Variants in RBM5 observed in about 807,000 individuals in gnomAD.
RBM5 encodes RNA-binding protein 5.
A neutral mutation model predicts 124.6 loss-of-function variants in RBM5; 15 were observed. The ratio of observed to expected loss-of-function variants is 0.12; its 90% CI spans 0.08 to 0.19. The LOEUF (loss-of-function observed/expected upper bound fraction) is 0.19. Ranked by LOEUF, RBM5 falls within the 10% of genes least tolerant of loss-of-function variation. The probability of loss-of-function intolerance (pLI) is 1.00; values close to 1 mark genes in which losing one functional copy is unlikely to be tolerated. For synonymous variants in RBM5, 337 were observed against 361.2 expected (o/e 0.93, Z 0.76); for missense variants, 580 against 1,026.5 (o/e 0.57, Z 5.94).
chr3:50,094,923 G>A (rs773335025), intron 4 of RBM5, among the ~76,000 whole-genome samples: 3 of 152,106 alleles, frequency 2.0e-5, no homozygotes, highest in Non-Finnish European at 2.9e-5. Flanking sequence ...TTGGCCAGGC[G>A]CGGTGGCTCA....
chr3:50,108,358 AAT>A (rs1220864585), intron 14 of RBM5, 54 bp downstream of exon 14: 2 of 1,447,364 alleles, frequency 1.4e-6, no homozygotes, highest in African/African-American at 1.4e-5. Context: ...CAGTTGAAGA[AAT>A]ATGATTAAAT....
rs547966516 is a variant in RBM5, at chr3:50,113,403, C to G, written c.1476C>G (p.Thr492=). The change falls in exon 18 of 25, where the codon ACC becomes ACG. Residue 492 remains threonine (T), a synonymous_variant. Coordinates refer to ENST00000347869, the MANE Select transcript of RBM5 (RefSeq NM_005778.4). ...PNSQYYYNSL[T]QQYLYWDGEK... ...TCTAGTACTACTATAATTCCTTGAC[C>G]CAGCAGTACCTTTACTGGGATGGGG... The G allele has an allele frequency of 2.7e-5, 44 of 1,612,724 alleles. No individual in the cohort carries two copies. In the African/African-American group the frequency reaches 5.5e-4, roughly 20 times the overall value.
At chr3:50,106,628 A>AG (rs1167684734) in intron 10 of RBM5, 139 bp from the exon 11 acceptor site, 1 of 629,532 alleles carries the variant, frequency 1.6e-6, no homozygotes, top group South Asian at 2.0e-5. Flanking sequence ...TCCTTTCTTG[A>AG]GGTTTCATAT....
intron 2 of RBM5, 128 bp from the exon 3 acceptor site, chr3:50,091,915 C>A: frequency 1.0e-6 from 1 of 973,560 alleles, no homozygotes; most frequent in Non-Finnish European, 1.5e-6. Flanking sequence ...TTTGGTAATA[C>A]TTTTTAACAC....
At chr3:50,114,593 G>A (rs2091208292) in intron 20 of RBM5, 1 of 236,340 alleles carries the variant, frequency 4.2e-6, no homozygotes, top group Non-Finnish European at 8.0e-6. Flanking sequence ...CCATTATTCT[G>A]ATATGTTGTA....
At chr3:50,103,298 C>A in intron 7 of RBM5, 132 bp downstream of exon 7, 1 of 743,612 alleles carries the variant, frequency 1.3e-6, no homozygotes, top group Non-Finnish European at 2.3e-6. Context: ...TTGTTACTTT[C>A]CTTGGGTCCT....
rs547039759 is a variant in RBM5 at position 50,117,154 on chromosome 3, G to A, written c.2175G>A (p.Gln725=). 7 of 1,614,246 alleles carry A rather than the reference G, an allele frequency of 4.3e-6. No individual in the cohort carries two copies. Among genetic ancestry groups the A allele is most frequent in the Non-Finnish European group, 5.9e-6 (7 of 1,180,046 alleles). Residue 725 remains glutamine (Q), a synonymous_variant, in exon 23 of 25, where the codon CAG becomes CAA. Transcript: ENST00000347869. This position sits in a 1 kb window ranked among gnomAD's most constrained non-coding sequence, Gnocchi z 4.2. ...CTCCAGAGCCCAAGCGCAAGAAGCA[G>A]TTTGATGCCGGCACTGTGTATGTGA... ...PEPPEPKRKK[Q]FDAGTVNYEQ...
chr3:50,110,434 C>T lies in RBM5; in HGVS notation c.1334C>T (p.Pro445Leu). The change falls in exon 16 of 25, where the codon CCT (proline) becomes CTT (leucine). Residue 445 changes from proline to leucine, a missense_variant. Physicochemically the swap from Pro to Leu is moderately conservative, Grantham distance 98 (BLOSUM62 -3). Around this residue, in one of 6 missense-constraint regions of RBM5, gnomAD observed 104 missense variants for 128.7 expected, o/e 0.81. Transcript: ENST00000347869. ...STSTQAPAAS[P>L]TGVVPGTKYA... Reference sequence around the variant, plus strand: ...AGTACACAGGCCCCAGCCGCTTCCCCTACTGGTGTAGTTCCTGGTACCAAA... The same window carrying T: ...AGTACACAGGCCCCAGCCGCTTCCCTTACTGGTGTAGTTCCTGGTACCAAA... 1 of 1,614,164 alleles carries T rather than the reference C, an allele frequency of 6.2e-7. No individual in the cohort carries two copies. The highest frequency in any genetic ancestry group is 8.5e-7 in the Non-Finnish European group (1 of 1,180,014).
chr3:50,116,118 A>G, intron 22 of RBM5, 138 bp downstream of exon 22: 1 of 802,038 alleles, frequency 1.2e-6, no homozygotes, highest in Non-Finnish European at 2.1e-6. Context: ...ATTGTAGTTC[A>G]TGTAGCCTAG....
chr3:50,108,614 G>C (rs2091083272), intron 14 of RBM5, among the ~76,000 whole-genome samples: 1 of 152,150 alleles, frequency 6.6e-6, no homozygotes, highest in Non-Finnish European at 1.5e-5. Context: ...GGCTGAGGCA[G>C]GAGAATTGCT....
In RBM5 at chr3:50,114,960, A is replaced by G. The variant is rs181637771; in HGVS notation, c.1840-468A>G. On this transcript the variant is annotated intron_variant, in intron 20 of 24. Coordinates refer to ENST00000347869, the MANE Select transcript of RBM5 (RefSeq NM_005778.4). ...GGCAGGCGGATCATTTGAGGTCAGGAGTTCGAGATCAGCCTGACCAATGTG... is the reference window on the plus strand; with the variant it reads ...GGCAGGCGGATCATTTGAGGTCAGGGGTTCGAGATCAGCCTGACCAATGTG... The G allele has an allele frequency of 1.2e-4, 19 of 158,264 alleles. No homozygotes were observed. In the East Asian group the frequency reaches 2.3e-3, roughly 19 times the overall value. The allele number at this position is 158,264 out of a possible 1,614,324, so 9.8% of individuals were successfully genotyped here. A position where few individuals can be genotyped will look rare whatever the true frequency, so the allele number is the denominator to read the frequency against.
chr3:50,114,224 A>C lies in RBM5; in HGVS notation c.1812A>C (p.Arg604=). ...AGCAGCTCATCCCAGAATTGGTGCG[A>C]AATGGAGATGAGGAGAATCCCCTCA... The part of the protein sequence containing the change: ...ERQQLIPELV[R]NGDEENPLKR... Residue 604 remains arginine, a synonymous_variant, in exon 20 of 25, where the codon CGA becomes CGC. Transcript: ENST00000347869. The C allele has an allele frequency of 1.2e-6, 2 of 1,611,764 alleles. No individual in the cohort carries two copies. Among genetic ancestry groups the C allele is most frequent in the Non-Finnish European group, 1.7e-6 (2 of 1,179,444 alleles).
intron 4 of RBM5, among the ~76,000 whole-genome samples, chr3:50,096,854 G>A (rs1050084607): frequency 6.6e-5 from 10 of 150,732 alleles, no homozygotes; most frequent in African/African-American, 2.0e-4. Flanking sequence ...CAATCCTCCC[G>A]CCTGGGTCTC....
chr3:50,112,581 T>C (rs1254803879), intron 17 of RBM5: 2 of 152,494 alleles, frequency 1.3e-5, no homozygotes, highest in Non-Finnish European at 2.9e-5. Context: ...CAATTCCTGC[T>C]GAGCTTGGGT....
At chr3:50,103,759 A>G (rs2090984483) in intron 7 of RBM5, among the ~76,000 whole-genome samples, 1 of 152,364 alleles carries the variant, frequency 6.6e-6, no homozygotes, top group East Asian at 1.9e-4. Context: ...TTTTTGGCGT[A>G]GTCTCTTAAC....
rs772048684 is a variant in RBM5 at position 50,114,107 on chromosome 3, C to T, written c.1767+8C>T. On this transcript the variant is annotated splice_region_variant and intron_variant, in intron 19 of 24. Coordinates refer to ENST00000347869, the MANE Select transcript of RBM5 (RefSeq NM_005778.4). The stretch of plus-strand genomic sequence containing the variant: ...GCTCTCTTTGAGAAGAAGGTAATAG[C>T]AGGAATGGCCAGTATGTCATGATGG... 1 of 1,614,094 alleles carries T rather than the reference C, an allele frequency of 6.2e-7. No individual in the cohort carries two copies.
At chr3:50,113,899 T>C in intron 18 of RBM5, 51 bp from the exon 19 acceptor site, 2 of 1,589,468 alleles carry the variant, frequency 1.3e-6, no homozygotes, top group Non-Finnish European at 1.7e-6. Flanking sequence ...CTCATTCTCA[T>C]GGCACAGGGG....
intron 3 of RBM5, 79 bp downstream of exon 3, chr3:50,092,287 T>G: frequency 2.7e-6 from 4 of 1,461,236 alleles, no homozygotes; most frequent in Non-Finnish European, 3.7e-6. Flanking sequence ...GGCAGCCAGG[T>G]CCAGTGGCCC....
chr3:50,118,094 C>T, intron 24 of RBM5: 1 of 559,110 alleles, frequency 1.8e-6, no homozygotes, highest in Non-Finnish European at 3.1e-6. Flanking sequence ...TGGATGCTTG[C>T]TGAGCAGGCA....
Sources: allele counts gnomAD v4.1 joint callset (sites outside exome capture counted in the v4.1 genomes callset), GRCh38; gene constraint gnomAD v4.1.1; regional missense constraint gnomAD v4.1.1; non-coding constraint Gnocchi (gnomAD v3.1); transcripts MANE v1.5; gene names NCBI Gene and HGNC (gene_info 2026-07-23, HGNC 2026-07-21).